Variants in PRELID2 observed in about 807,000 individuals in gnomAD.
PRELID2 encodes the protein PRELI domain containing 2.
Under a neutral mutation model 28.4 loss-of-function variants are expected in PRELID2, and 25 were observed. The observed-to-expected ratio is 0.88, with a 90% CI of 0.64 to 1.23. The LOEUF (loss-of-function observed/expected upper bound fraction) is 1.23. Ranked by LOEUF, PRELID2 falls within the 50% of genes most tolerant of loss-of-function variation. The pLI, the probability that PRELID2 is intolerant of heterozygous loss-of-function variation, is 0.00. For missense variants in PRELID2, 201 were observed against 214.4 expected (o/e 0.94, Z 0.39); for synonymous variants, 76 against 71.6 (o/e 1.06, Z -0.31).
intron 1 of PRELID2, among the ~76,000 whole-genome samples, chr5:145,833,156 G>A (rs894920860): frequency 9.9e-5 from 15 of 152,124 alleles, no homozygotes; most frequent in Admixed American, 5.9e-4. Flanking sequence ...CTGACAATGC[G>A]CCAGGACCTC....
intron 1 of PRELID2, among the ~76,000 whole-genome samples, chr5:145,702,924 A>G (rs987011435): frequency 2.6e-5 from 4 of 152,248 alleles, no homozygotes; most frequent in African/African-American, 9.6e-5. Flanking sequence ...AAAGAAAGTC[A>G]TTTAGCAGAT....
the PRELID2 span, among the ~76,000 whole-genome samples, chr5:145,279,495 T>C: frequency 1.6e-3 from 245 of 152,294 alleles, no homozygotes; most frequent in African/African-American, 5.7e-3. Context: ...ATGGCAATAA[T>C]AATCGCCTCT....
chr5:145,828,245 C>T (rs535675942), intron 1 of PRELID2, among the ~76,000 whole-genome samples: 1 of 152,034 alleles, frequency 6.6e-6, no homozygotes, highest in Non-Finnish European at 1.5e-5. Context: ...TTAAAGGAAA[C>T]AATTTAATTA....
the PRELID2 span, among the ~76,000 whole-genome samples, chr5:145,306,450 C>T: frequency 2.0e-5 from 3 of 151,804 alleles, no homozygotes; most frequent in African/African-American, 4.8e-5. Context: ...GGCATTAATT[C>T]ATATTTGCTT....
intron 1 of PRELID2, among the ~76,000 whole-genome samples, chr5:145,745,013 C>T (rs1561570908): frequency 6.6e-6 from 1 of 151,926 alleles, no homozygotes; most frequent in Non-Finnish European, 1.5e-5. Flanking sequence ...TAGAAAGGAA[C>T]ATAAATGATC....
intron 1 of PRELID2, 197 bp downstream of exon 1, chr5:145,834,980 G>T: frequency 2.0e-6 from 1 of 509,594 alleles, no homozygotes; most frequent in Non-Finnish European, 3.6e-6. Flanking sequence ...TGAACGTGAT[G>T]CCAAGCACGG....
chr5:145,328,154 T>C, the PRELID2 span, among the ~76,000 whole-genome samples: 2 of 152,226 alleles, frequency 1.3e-5, no homozygotes, highest in African/African-American at 4.8e-5. Context: ...ATGGTATATA[T>C]GTGCCATATT....
chr5:145,301,034 T>A, the PRELID2 span, among the ~76,000 whole-genome samples: 1 of 152,020 alleles, frequency 6.6e-6, no homozygotes, highest in African/African-American at 2.4e-5. Flanking sequence ...GCATACTTTT[T>A]CCCCCTTGCT....
the PRELID2 span, among the ~76,000 whole-genome samples, chr5:145,267,025 A>G: frequency 1.3e-5 from 2 of 152,044 alleles, no homozygotes; most frequent in Non-Finnish European, 2.9e-5. Context: ...GGACTTGGGG[A>G]AAAAGGAGTT....
At chr5:145,748,976 A>G (rs558657487) in intron 1 of PRELID2, among the ~76,000 whole-genome samples, 46 of 152,322 alleles carry the variant, frequency 3.0e-4, no homozygotes, top group Non-Finnish European at 2.5e-4. Flanking sequence ...AAATTAACTC[A>G]AGATGGATTA....
At chr5:145,265,435 C>A in the PRELID2 span, among the ~76,000 whole-genome samples, 1 of 151,978 alleles carries the variant, frequency 6.6e-6, no homozygotes, top group East Asian at 1.9e-4. Context: ...ATCAAAATAC[C>A]ACCATCCTTC....
intron 1 of PRELID2, among the ~76,000 whole-genome samples, chr5:145,721,450 T>C (rs1287804351): frequency 2.0e-5 from 3 of 152,100 alleles, no homozygotes; most frequent in African/African-American, 7.2e-5. Context: ...ACAAATGTTA[T>C]CACTAAATAC....
chr5:145,459,483 T>C, the PRELID2 span, among the ~76,000 whole-genome samples: 1 of 152,170 alleles, frequency 6.6e-6, no homozygotes, highest in Non-Finnish European at 1.5e-5. Flanking sequence ...TCTTTCCCCA[T>C]AGAATCTATT....
Position 145,486,695 on chromosome 5 carries a change from G to A in PRELID2, n.71-13380C>T, listed in dbSNP as rs539464842. On this transcript the variant is annotated intron_variant and non_coding_transcript_variant, in intron 1 of 2. Transcript: ENST00000510259. ...AAAGCAAAGAAAATCATAAGCATCA[G>A]TAGAATACATCTTCTACTACCTTAG... Among the ~76,000 whole-genome samples the A allele has an allele frequency of 1.6e-4, 24 of 152,284 alleles. No homozygotes were observed. In the East Asian group the frequency reaches 4.5e-3, roughly 28 times the overall value.
chr5:145,328,910 T>A, the PRELID2 span, among the ~76,000 whole-genome samples: 1 of 152,238 alleles, frequency 6.6e-6, no homozygotes, highest in Non-Finnish European at 1.5e-5. Context: ...TGATTTTAGG[T>A]CTCACATTTA....
chr5:145,445,638 A>G, the PRELID2 span, among the ~76,000 whole-genome samples: 7 of 152,066 alleles, frequency 4.6e-5, no homozygotes, highest in African/African-American at 1.7e-4. Flanking sequence ...GGGGATTAAT[A>G]TCCAGGTTAT....
At chr5:145,641,668 C>CT (rs1754108574) in intron 1 of PRELID2, among the ~76,000 whole-genome samples, 1 of 151,260 alleles carries the variant, frequency 6.6e-6, no homozygotes, top group African/African-American at 2.5e-5. Context: ...CCAAGCCCCC[C>CT]AGGGGGGCCC....
intron 1 of PRELID2, among the ~76,000 whole-genome samples, chr5:145,503,429 C>G (rs1254867516): frequency 3.9e-5 from 6 of 152,104 alleles, no homozygotes; most frequent in Non-Finnish European, 8.8e-5. Flanking sequence ...TATCAGTGTT[C>G]AGACGTTTAA....
the PRELID2 span, among the ~76,000 whole-genome samples, chr5:145,311,111 G>A: frequency 2.0e-5 from 3 of 152,170 alleles, no homozygotes; most frequent in South Asian, 2.1e-4. Flanking sequence ...GTGGTTTGCA[G>A]AAACTAAAGT....
Sources: gnomAD v4.1 joint callset for allele counts (sites outside exome capture counted in the v4.1 genomes callset) on GRCh38, gnomAD v4.1.1 for gene constraint, MANE v1.5 for transcripts, NCBI Gene and HGNC (gene_info 2026-07-23, HGNC 2026-07-21) for gene names.